NELL2: variants seen among roughly 807,000 people sequenced by gnomAD.
NELL2 encodes protein kinase C-binding protein NELL2.
A neutral mutation model predicts 109.6 loss-of-function variants in NELL2; 41 were observed. The ratio of observed to expected loss-of-function variants is 0.37; its 90% CI spans 0.29 to 0.49. NELL2 has a LOEUF of 0.49. Among genes scored for constraint, NELL2 ranks in the 20% least tolerant of loss-of-function variants. The pLI, the probability that NELL2 is intolerant of heterozygous loss-of-function variation, is 0.98. For missense variants in NELL2, 900 were observed against 1,008.3 expected, an observed-to-expected ratio of 0.89 and a Z score of 1.45; for synonymous variants, 355 against 344.7, an observed-to-expected ratio of 1.03 and a Z score of -0.33.
At chr12:44,888,023 GAGAT>G (rs1945493770) in intron 1 of NELL2, among the ~76,000 whole-genome samples, 3 of 152,062 alleles carry the variant, frequency 2.0e-5, no homozygotes, top group Admixed American at 2.0e-4. Context: ...TGTATGGTGA[GAGAT>G]AGCAGACTAG....
chr12:44,639,701 C>A (rs766662669), intron 13 of NELL2, among the ~76,000 whole-genome samples: 1 of 152,086 alleles, frequency 6.6e-6, no homozygotes, highest in South Asian at 2.1e-4. Context: ...TAAAATGGTC[C>A]TCTTAATTCC....
intron 1 of NELL2, among the ~76,000 whole-genome samples, chr12:44,903,291 C>T (rs1945683227): frequency 6.6e-6 from 1 of 152,162 alleles, no homozygotes; most frequent in Non-Finnish European, 1.5e-5. Flanking sequence ...TTTTTAAAAG[C>T]TCATCATCAC....
chr12:44,732,744 C>T (rs1292837007), intron 9 of NELL2, among the ~76,000 whole-genome samples: 1 of 151,942 alleles, frequency 6.6e-6, no homozygotes, highest in Admixed American at 6.6e-5. Flanking sequence ...GTAGAGGAAA[C>T]ACTCAACAGA....
rs146950057 is a variant in NELL2, at chr12:44,570,513, G to A, written c.1663+36656C>T. The stretch of plus-strand genomic sequence containing the variant: ...ACACTTAATTAAGCATGATAAATTG[G>A]ATGTATGCATCAATCCTTTTTTAAA... On this transcript the variant is annotated intron_variant, in intron 15 of 19. Transcript: ENST00000429094. Among the ~76,000 whole-genome samples the A allele has an allele frequency of 1.3e-3, 202 of 152,142 alleles. 1 individual carries two copies. Among genetic ancestry groups the A allele is most frequent in the African/African-American group, 4.6e-3 (189 of 41,516 alleles).
At chr12:44,763,061 C>T (rs1301368417) in intron 9 of NELL2, among the ~76,000 whole-genome samples, 1 of 152,144 alleles carries the variant, frequency 6.6e-6, no homozygotes, top group Non-Finnish European at 1.5e-5. Flanking sequence ...TCTTACATCC[C>T]ATTTCATATT....
At chr12:44,772,945 T>C (rs1941604693) in intron 9 of NELL2, among the ~76,000 whole-genome samples, 1 of 152,230 alleles carries the variant, frequency 6.6e-6, no homozygotes, top group Non-Finnish European at 1.5e-5. Flanking sequence ...CATTTCATTA[T>C]GTCTAACCGC....
At chr12:44,592,458 G>T (rs1944789386) in intron 15 of NELL2, among the ~76,000 whole-genome samples, 1 of 152,146 alleles carries the variant, frequency 6.6e-6, no homozygotes, top group Non-Finnish European at 1.5e-5. Context: ...TCTTCCCAGA[G>T]CATGGTGGAG....
intron 10 of NELL2, among the ~76,000 whole-genome samples, chr12:44,711,993 T>C (rs1316179754): frequency 6.6e-6 from 1 of 152,038 alleles, no homozygotes; most frequent in Admixed American, 6.6e-5. Context: ...GTAAAATCAC[T>C]GTAGTTCTTG....
At chr12:44,717,691 A>G (rs1938562691) in intron 9 of NELL2, among the ~76,000 whole-genome samples, 1 of 152,178 alleles carries the variant, frequency 6.6e-6, no homozygotes, top group Non-Finnish European at 1.5e-5. Flanking sequence ...AGTGTAAGCC[A>G]GAATTATGGA....
chr12:44,568,921 T>C (rs777078588), intron 15 of NELL2, among the ~76,000 whole-genome samples: 3 of 152,108 alleles, frequency 2.0e-5, no homozygotes, highest in Non-Finnish European at 4.4e-5. Context: ...TATGTGCAGG[T>C]TTGTTACACA....
intron 15 of NELL2, among the ~76,000 whole-genome samples, chr12:44,548,957 AC>A (rs1942917556): frequency 6.6e-6 from 1 of 152,198 alleles, no homozygotes; most frequent in Non-Finnish European, 1.5e-5. Flanking sequence ...TATGAAGATA[AC>A]CTCTGTAATT....
At chr12:44,746,674 T>C (rs1940377717) in intron 9 of NELL2, among the ~76,000 whole-genome samples, 2 of 152,088 alleles carry the variant, frequency 1.3e-5, no homozygotes, top group African/African-American at 2.4e-5. Flanking sequence ...AAGACATTTA[T>C]GCAGCCAAAA....
intron 9 of NELL2, among the ~76,000 whole-genome samples, chr12:44,744,543 T>C (rs1940208084): frequency 6.6e-6 from 1 of 152,034 alleles, no homozygotes; most frequent in African/African-American, 2.4e-5. Flanking sequence ...ACAAAATTGA[T>C]AGACTGCTAG....
intron 15 of NELL2, among the ~76,000 whole-genome samples, chr12:44,570,728 T>C (rs150596641): frequency 1.2e-3 from 180 of 152,320 alleles, no homozygotes; most frequent in African/African-American, 4.2e-3. Flanking sequence ...AATATAATAC[T>C]CTGTTCATCT....
At chr12:44,687,241 G>A (rs927811328) in intron 12 of NELL2, among the ~76,000 whole-genome samples, 1 of 148,708 alleles carries the variant, frequency 6.7e-6, no homozygotes, top group Admixed American at 6.7e-5. Flanking sequence ...CCCGAGTGAG[G>A]CAATGCCGCG....
At chr12:44,553,758 A>G (rs1419688107) in intron 15 of NELL2, among the ~76,000 whole-genome samples, 1 of 152,184 alleles carries the variant, frequency 6.6e-6, no homozygotes, top group Non-Finnish European at 1.5e-5. Context: ...TGTTTTTGAA[A>G]GTAAATCATA....
chr12:44,804,453 C>T (rs888577106), intron 3 of NELL2, among the ~76,000 whole-genome samples: 2 of 151,762 alleles, frequency 1.3e-5, no homozygotes, highest in Non-Finnish European at 2.9e-5. Flanking sequence ...ACATAAACTC[C>T]ACTGTCAATT....
chr12:44,910,378 T>C (rs746678104), intron 1 of NELL2, among the ~76,000 whole-genome samples: 1 of 151,950 alleles, frequency 6.6e-6, no homozygotes, highest in Non-Finnish European at 1.5e-5. Context: ...ACATCACTAA[T>C]CATCAGAGAA....
At chr12:44,514,527 TTTA>T (rs975424711) in intron 19 of NELL2, among the ~76,000 whole-genome samples, 13 of 151,368 alleles carry the variant, frequency 8.6e-5, no homozygotes, top group Non-Finnish European at 1.2e-4. Flanking sequence ...ATAATTATAT[TTTA>T]TTATTAGTTA....
Sources: gnomAD v4.1 joint callset for allele counts (sites outside exome capture counted in the v4.1 genomes callset) on GRCh38, gnomAD v4.1.1 for gene constraint, MANE v1.5 for transcripts, NCBI Gene and HGNC (gene_info 2026-07-23, HGNC 2026-07-21) for gene names.